PTPRG: variants seen among roughly 807,000 people sequenced by gnomAD.
PTPRG encodes the protein protein tyrosine phosphatase receptor type G, also known as receptor-type tyrosine-protein phosphatase gamma.
In PTPRG, 102 loss-of-function variants were observed where a neutral mutation model predicts 165.3. The ratio of observed to expected loss-of-function variants is 0.62; its 90% confidence interval spans 0.53 to 0.73. The LOEUF is 0.73. Ranked by LOEUF, PTPRG falls within the 30% of genes least tolerant of loss-of-function variation. The pLI is 0.00. For missense variants in PTPRG, 1,866 were observed against 1,861.4 expected, an observed-to-expected ratio of 1.00 and a Z score of -0.05; for synonymous variants, 675 against 669.5, an observed-to-expected ratio of 1.01 and a Z score of -0.13.
intron 4 of PTPRG, among the ~76,000 whole-genome samples, chr3:62,058,611 G>A (rs1302008699): frequency 1.3e-5 from 2 of 152,124 alleles, no homozygotes; most frequent in African/African-American, 4.8e-5. Flanking sequence ...TATGGATCTG[G>A]GGAGTTTATG....
chr3:61,848,430 TC>T, intron 2 of PTPRG, among the ~76,000 whole-genome samples: 1 of 152,320 alleles, frequency 6.6e-6, no homozygotes, highest in East Asian at 1.9e-4. Flanking sequence ...AACTTCACAT[TC>T]AGTGAGTCAG....
At chr3:61,674,589 C>G (rs959642434) in intron 1 of PTPRG, among the ~76,000 whole-genome samples, 5 of 149,488 alleles carry the variant, frequency 3.3e-5, no homozygotes, top group Non-Finnish European at 7.4e-5. Context: ...CCAAAAAATT[C>G]GATTGATGTG....
chr3:62,184,734 T>TCCGTGGCATATGATGTC, intron 8 of PTPRG, among the ~76,000 whole-genome samples: 1 of 152,146 alleles, frequency 6.6e-6, no homozygotes, highest in South Asian at 2.1e-4. Flanking sequence ...CATATGATGT[T>TCCGTGGCATATGATGTC]GCAACACCTC....
At chr3:62,053,465 C>T (rs1700531464) in intron 4 of PTPRG, among the ~76,000 whole-genome samples, 2 of 152,204 alleles carry the variant, frequency 1.3e-5, no homozygotes, top group South Asian at 4.1e-4. Context: ...CGGGGTTTCT[C>T]CATGTTGGCC....
At chr3:62,226,380 C>T (rs1700764826) in intron 13 of PTPRG, among the ~76,000 whole-genome samples, 1 of 152,092 alleles carries the variant, frequency 6.6e-6, no homozygotes, top group Non-Finnish European at 1.5e-5. Flanking sequence ...TTTGGATTTG[C>T]CAAAATCATG....
At chr3:61,698,902 A>G (rs573961151) in intron 1 of PTPRG, among the ~76,000 whole-genome samples, 15 of 152,290 alleles carry the variant, frequency 9.8e-5, no homozygotes, top group Admixed American at 8.5e-4. Flanking sequence ...CATCATTCTC[A>G]GCAAACTATC....
intron 1 of PTPRG, among the ~76,000 whole-genome samples, chr3:61,648,867 A>C (rs954915834): frequency 3.3e-5 from 5 of 152,216 alleles, no homozygotes; most frequent in Non-Finnish European, 5.9e-5. Flanking sequence ...TCTCCACTTT[A>C]AAGATTCTGA....
At position 62,295,545 on chromosome 3, in the gene PTPRG, C is replaced by G. The variant is rs1485734717; in HGVS notation, c.*2238C>G. 1 of 152,028 alleles carries G rather than the reference C, an allele frequency of 6.6e-6. No homozygotes were observed. Among genetic ancestry groups the G allele is most frequent in the Non-Finnish European group, 1.5e-5 (1 of 67,990 alleles). 9.4% of individuals were successfully genotyped at this position (152,028 alleles called of 1,614,324 possible). ...AGGGCTCAATTCGTAGAAAGGCATA[C>G]CCTCCAATGCAATTCTGTGGCTGTC... On this transcript the variant is annotated 3_prime_UTR_variant, in exon 30 of 30. Coordinates refer to ENST00000474889, the MANE Select transcript of PTPRG (RefSeq NM_002841.4).
At chr3:61,681,290 C>T (rs1021813594) in intron 1 of PTPRG, among the ~76,000 whole-genome samples, 1 of 152,166 alleles carries the variant, frequency 6.6e-6, no homozygotes, top group Non-Finnish European at 1.5e-5. Flanking sequence ...CCACCACACA[C>T]CCAACCACAA....
rs368802810 is a variant in PTPRG, at chr3:62,183,566, TA to T, written c.1034-7885del. Among the ~76,000 whole-genome samples the T allele has an allele frequency of 8.4e-3, 1,078 of 128,726 alleles. 2 individuals carry two copies. Among genetic ancestry groups the T allele is most frequent in the Non-Finnish European group, 8.9e-3 (537 of 60,478 alleles). 84.4% of individuals were successfully genotyped at this position (128,726 alleles called of 152,430 possible). A position where few individuals can be genotyped will look rare whatever the true frequency, so the allele number is the denominator to read the frequency against. On this transcript the variant is annotated intron_variant, in intron 8 of 29. Transcript: ENST00000474889. ...GCGACAGAGTGAGACTCGTCTCAAT[TA>T]AAAAAAAAAAAAAAAAAGAATGGCA...
chr3:61,918,846 T>C (rs1373818890), intron 2 of PTPRG, among the ~76,000 whole-genome samples: 4 of 152,230 alleles, frequency 2.6e-5, no homozygotes, highest in Non-Finnish European at 5.9e-5. Flanking sequence ...AGCCAACTTA[T>C]CCTTATTGAT....
intron 4 of PTPRG, among the ~76,000 whole-genome samples, chr3:62,030,736 A>G (rs998337072): frequency 2.6e-5 from 4 of 152,206 alleles, no homozygotes; most frequent in African/African-American, 7.2e-5. Flanking sequence ...TGAATTGCAG[A>G]CAAGTCTGAG....
chr3:62,279,170 T>G (rs1360784655), intron 26 of PTPRG, among the ~76,000 whole-genome samples: 1 of 152,086 alleles, frequency 6.6e-6, no homozygotes, highest in Admixed American at 6.6e-5. Flanking sequence ...TTATTACTGC[T>G]ATACCTTTAC....
intron 2 of PTPRG, among the ~76,000 whole-genome samples, chr3:61,815,296 G>T (rs1009883043): frequency 6.6e-6 from 1 of 151,350 alleles, no homozygotes; most frequent in East Asian, 1.9e-4. Context: ...TGTAATCCCA[G>T]CTACGTGGGA....
intron 1 of PTPRG, among the ~76,000 whole-genome samples, chr3:61,630,046 G>A (rs1318830783): frequency 3.3e-5 from 5 of 152,248 alleles, no homozygotes; most frequent in African/African-American, 4.8e-5. Context: ...TGTGCCCAAA[G>A]ACCCTGGCCA....
In PTPRG at chr3:62,201,538, T is replaced by C; in HGVS notation, c.1361T>C (p.Ile454Thr). ...NTTRIFQGTRIVKTGVPTASP... is the reference protein window; with the variant it reads ...NTTRIFQGTRTVKTGVPTASP... ...ACTCGAATATTCCAAGGGACCAGAA[T>C]AGTGAAAACAGGAGTGGTAAGTAGA... Residue 454 changes from isoleucine (I) to threonine (T), a missense_variant, in exon 11 of 30, where the codon ATA becomes ACA. Coordinates refer to ENST00000474889, the MANE Select transcript of PTPRG (RefSeq NM_002841.4). 6.2e-7 allele frequency: 1 copy of C among 1,611,586 alleles called. No homozygotes were observed. Among genetic ancestry groups the C allele is most frequent in the Non-Finnish European group, 8.5e-7 (1 of 1,178,526 alleles).
At position 61,761,578 on chromosome 3, in the gene PTPRG, A is replaced by AAAAC. The variant is rs1437544934; in HGVS notation, c.190+12600_190+12603dup. Among the ~76,000 whole-genome samples the AAAAC allele has an allele frequency of 1.1e-4, 15 of 135,252 alleles. No homozygotes were observed. The East Asian group carries it at 4.4e-3, about 40-fold the overall frequency. The allele number at this position is 135,252 out of a possible 152,430, so 88.7% of individuals were successfully genotyped here. A position where few individuals can be genotyped will look rare whatever the true frequency, so the allele number is the denominator to read the frequency against. ...GGGCAACAGAGTGAGACTCCGCCTC[A>AAAAC]AAACAAAGAAACAAACAAACAAACA... is the stretch of plus-strand genomic sequence containing the variant. On this transcript the variant is annotated intron_variant, in intron 2 of 29. Transcript: ENST00000474889.
chr3:62,232,947 C>T (rs1260824408), intron 14 of PTPRG, among the ~76,000 whole-genome samples: 3 of 152,138 alleles, frequency 2.0e-5, no homozygotes, highest in East Asian at 1.9e-4. Flanking sequence ...CCTGGCCCTG[C>T]GACTAGGAAG....
rs202043848 is a variant in PTPRG, at chr3:62,076,494, TTTTG to T, written c.520-1641_520-1638del. Among the ~76,000 whole-genome samples the T allele has an allele frequency of 8.3e-3, 1,253 of 151,848 alleles. 8 individuals carry two copies. The highest frequency in any genetic ancestry group is 0.025 in the African/African-American group (1,048 of 41,424). On this transcript the variant is annotated intron_variant, in intron 4 of 29. Transcript: ENST00000474889. ...GGAATAGGAACCCAGGTCTGGTTTTTTTTGTTTGTTTGTTTGTTTGTTTGTTTGT... is the reference window on the plus strand; with the variant it reads ...GGAATAGGAACCCAGGTCTGGTTTTTTTTGTTTGTTTGTTTGTTTGTTTGT...
Sources: gnomAD v4.1 joint callset for allele counts (sites outside exome capture counted in the v4.1 genomes callset) on GRCh38, gnomAD v4.1.1 for gene constraint, MANE v1.5 for transcripts, NCBI Gene and HGNC (gene_info 2026-07-23, HGNC 2026-07-21) for gene names.